The following DOCK3 variants were observed in gnomAD, a reference collection of about 807,000 sequenced individuals.
The protein encoded by DOCK3 is dedicator of cytokinesis 3.
Under a neutral mutation model 265.6 loss-of-function variants are expected in DOCK3, and 60 were observed. The observed-to-expected ratio is 0.23, with a 90% CI of 0.18 to 0.28. DOCK3 has a LOEUF of 0.28. Among genes scored for constraint, DOCK3 ranks in the 10% least tolerant of loss-of-function variants. The probability of loss-of-function intolerance (pLI) is 1.00; values close to 1 mark genes in which losing one functional copy is unlikely to be tolerated. For synonymous variants in DOCK3, 881 were observed against 938.0 expected (o/e 0.94, Z 1.11); for missense variants, 1,981 against 2,594.3 (o/e 0.76, Z 5.14).
intron 6 of DOCK3, among the ~76,000 whole-genome samples, chr3:51,064,999 G>A (rs1272470196): frequency 6.6e-6 from 1 of 152,124 alleles, no homozygotes; most frequent in African/African-American, 2.4e-5. Flanking sequence ...ATCTGAATGA[G>A]CATAACCTAC....
intron 5 of DOCK3, among the ~76,000 whole-genome samples, chr3:50,966,417 C>T (rs910659210): frequency 1.3e-5 from 2 of 149,428 alleles, no homozygotes; most frequent in African/African-American, 4.9e-5. Flanking sequence ...TGTTAATTTA[C>T]ATTCCCATCT....
Position 51,382,771 on chromosome 3 carries a change from T to A in DOCK3, c.*1212T>A, listed in dbSNP as rs542831467. ...GGGTTCGGGGCTGGCAGGAGGGTAG[T>A]TTCTCCAGTCTCCCCAGTCTGTTGG... On this transcript the variant is annotated 3_prime_UTR_variant, in exon 53 of 53. Transcript: ENST00000266037. 18 of 152,518 alleles carry A rather than the reference T, an allele frequency of 1.2e-4. No homozygotes were observed. Among genetic ancestry groups the A allele is most frequent in the Non-Finnish European group, 7.3e-5 (5 of 68,048 alleles). The allele number at this position is 152,518 out of a possible 1,614,324, so 9.4% of individuals were successfully genotyped here. A position where few individuals can be genotyped will look rare whatever the true frequency, so the allele number is the denominator to read the frequency against.
At chr3:51,170,366 A>G (rs2086614689) in intron 12 of DOCK3, among the ~76,000 whole-genome samples, 1 of 152,178 alleles carries the variant, frequency 6.6e-6, no homozygotes, top group Non-Finnish European at 1.5e-5. Context: ...TTCACCCATG[A>G]AGCCTTTTGG....
intron 12 of DOCK3, among the ~76,000 whole-genome samples, chr3:51,172,645 T>C (rs2086740049): frequency 6.6e-6 from 1 of 152,248 alleles, no homozygotes; most frequent in Non-Finnish European, 1.5e-5. Context: ...TTTTGCCATT[T>C]TGTTCACTGT....
intron 10 of DOCK3, among the ~76,000 whole-genome samples, chr3:51,152,498 A>G (rs941355726): frequency 4.6e-5 from 7 of 152,240 alleles, no homozygotes; most frequent in African/African-American, 9.6e-5. Context: ...ACTTCTGTCA[A>G]CTCATCAAAG....
At chr3:51,145,968 C>A (rs2085281077) in intron 9 of DOCK3, among the ~76,000 whole-genome samples, 1 of 152,204 alleles carries the variant, frequency 6.6e-6, no homozygotes. Context: ...CTGTGAAAAT[C>A]TAATGCCGCT....
chr3:51,099,559 C>CTTTTTTTT (rs2082998868), intron 9 of DOCK3, among the ~76,000 whole-genome samples: 1 of 152,198 alleles, frequency 6.6e-6, no homozygotes, highest in Non-Finnish European at 1.5e-5. Flanking sequence ...AAAAAATCCT[C>CTTTTTTTT]TGTGAGGAGA....
At chr3:51,252,385 C>T (rs919954231) in intron 22 of DOCK3, among the ~76,000 whole-genome samples, 2 of 152,160 alleles carry the variant, frequency 1.3e-5, no homozygotes, top group African/African-American at 4.8e-5. Context: ...GTAGTTTTTT[C>T]CAATTCTGTG....
At chr3:51,355,157 C>A in intron 41 of DOCK3, 134 bp downstream of exon 41, 1 of 1,282,086 alleles carries the variant, frequency 7.8e-7, no homozygotes, top group Non-Finnish European at 1.0e-6. Context: ...TGAGTGTGTC[C>A]TCATTGCTTA....
intron 2 of DOCK3, chr3:50,788,067 C>G: frequency 1.3e-6 from 1 of 753,246 alleles, no homozygotes; most frequent in Non-Finnish European, 2.2e-6. Context: ...TCTTCTGTTT[C>G]ATGGAGATGT....
At chr3:51,018,214 A>G (rs1469692777) in intron 5 of DOCK3, among the ~76,000 whole-genome samples, 1 of 151,842 alleles carries the variant, frequency 6.6e-6, no homozygotes, top group Admixed American at 6.6e-5. Flanking sequence ...TCTTTCACCA[A>G]AACTCTTGGT....
At position 51,309,457 on chromosome 3, in the gene DOCK3, G is replaced by A. The variant is rs529235534; in HGVS notation, c.2923-775G>A. Among the ~76,000 whole-genome samples, 1,014 of 152,302 alleles carry A rather than the reference G, an allele frequency of 6.7e-3. 6 individuals carry two copies. The highest frequency in any genetic ancestry group is 0.023 in the African/African-American group (943 of 41,566). ...AAACCAGTCAGGCGTGGCGGCGCGC[G>A]CCTGCAATCGCAGGCACTCGGCAGG... is the stretch of plus-strand genomic sequence containing the variant. On this transcript the variant is annotated intron_variant, in intron 27 of 52. Coordinates refer to ENST00000266037, the MANE Select transcript of DOCK3 (RefSeq NM_004947.5).
At chr3:51,195,281 CT>C (rs1276275977) in intron 12 of DOCK3, among the ~76,000 whole-genome samples, 2 of 152,050 alleles carry the variant, frequency 1.3e-5, no homozygotes, top group African/African-American at 4.8e-5. Flanking sequence ...TGTTTTCTGA[CT>C]TTTTTATATA....
chr3:50,798,306 A>T (rs2042898098), intron 2 of DOCK3, among the ~76,000 whole-genome samples: 1 of 152,244 alleles, frequency 6.6e-6, no homozygotes, highest in South Asian at 2.1e-4. Context: ...CCACAGTGCC[A>T]TAGAAGGAAC....
Position 51,383,693 on chromosome 3 carries a change from T to G in DOCK3, c.*2134T>G, listed in dbSNP as rs1331039297. 6.6e-6 allele frequency: 1 copy of G among 152,524 alleles called. No individual in the cohort carries two copies. The highest frequency in any genetic ancestry group is 1.5e-5 in the Non-Finnish European group (1 of 68,044). The allele number at this position is 152,524 out of a possible 1,614,324, so 9.4% of individuals were successfully genotyped here. On this transcript the variant is annotated 3_prime_UTR_variant, in exon 53 of 53. Coordinates refer to ENST00000266037, the MANE Select transcript of DOCK3 (RefSeq NM_004947.5). ...AGGACACATTCTGAAATCCCTTTTG[T>G]TGGAGAATAAGTCAGTCTGAGGGGA...
intron 40 of DOCK3, among the ~76,000 whole-genome samples, chr3:51,352,192 G>T (rs1290141003): frequency 6.6e-6 from 1 of 152,182 alleles, no homozygotes; most frequent in African/African-American, 2.4e-5. Context: ...CTTGTAACTT[G>T]CCTTTTTCTC....
At chr3:50,869,141 A>G (rs1251218369) in intron 3 of DOCK3, among the ~76,000 whole-genome samples, 1 of 149,698 alleles carries the variant, frequency 6.7e-6, no homozygotes, top group Non-Finnish European at 1.5e-5. Context: ...CGCCTGGCTA[A>G]TTTTTTGTGT....
chr3:51,261,307 A>C (rs1331543269), intron 23 of DOCK3, among the ~76,000 whole-genome samples: 2 of 152,076 alleles, frequency 1.3e-5, no homozygotes, highest in Non-Finnish European at 2.9e-5. Context: ...TTGGAAGTAC[A>C]AGGGGTTGGG....
chr3:50,787,098 G>A (rs975840957), intron 2 of DOCK3: 2 of 717,730 alleles, frequency 2.8e-6, no homozygotes, highest in East Asian at 5.2e-5. Flanking sequence ...TTTCTTGAAC[G>A]ATTTATTACA....
Sources: allele counts gnomAD v4.1 joint callset (sites outside exome capture counted in the v4.1 genomes callset), GRCh38; gene constraint gnomAD v4.1.1; transcripts MANE v1.5; gene names NCBI Gene and HGNC (gene_info 2026-07-23, HGNC 2026-07-21).